Variants in NCOR1 observed in about 807,000 individuals in gnomAD.
NCOR1 encodes protein phosphatase 1, regulatory subunit 109.
In NCOR1, 63 loss-of-function variants were observed where a neutral mutation model predicts 288.1. The observed-to-expected ratio is 0.22, with a 90% CI of 0.18 to 0.27. The LOEUF (loss-of-function observed/expected upper bound fraction) is 0.27, where lower values mean the gene tolerates loss of function less well. Among genes scored for constraint, NCOR1 ranks in the 10% least tolerant of loss-of-function variants. NCOR1 has a pLI of 1.00. For missense variants in NCOR1, 2,397 were observed against 3,019.2 expected (o/e 0.79, Z 4.83); for synonymous variants, 1,007 against 1,065.9 (o/e 0.94, Z 1.08).
chr17:16,128,460 TCA>T (rs2075094811), intron 14 of NCOR1, among the ~76,000 whole-genome samples: 1 of 152,210 alleles, frequency 6.6e-6, no homozygotes, highest in Non-Finnish European at 1.5e-5. Flanking sequence ...CTCTGTGTTA[TCA>T]TCTCATCAAG....
intron 4 of NCOR1, among the ~76,000 whole-genome samples, chr17:16,166,522 A>C (rs1400208665): frequency 6.6e-6 from 1 of 152,098 alleles, no homozygotes; most frequent in African/African-American, 2.4e-5. Context: ...CTACTAAAAA[A>C]TACAAAAATT....
intron 14 of NCOR1, among the ~76,000 whole-genome samples, chr17:16,131,047 G>A (rs1277022620): frequency 6.7e-6 from 1 of 148,530 alleles, no homozygotes; most frequent in Non-Finnish European, 1.5e-5. Context: ...GGAGTGCAGT[G>A]GCGTGATCAC....
intron 40 of NCOR1, among the ~76,000 whole-genome samples, chr17:16,050,271 G>A (rs933938756): frequency 1.3e-5 from 2 of 150,714 alleles, no homozygotes; most frequent in South Asian, 2.1e-4. Flanking sequence ...CACCCAGGCT[G>A]GAGTGCAGTA....
chr17:16,100,384 T>A (rs2067398687), intron 20 of NCOR1, among the ~76,000 whole-genome samples: 1 of 152,252 alleles, frequency 6.6e-6, no homozygotes, highest in Non-Finnish European at 1.5e-5. Flanking sequence ...CTCATGCCTG[T>A]AATTCCAGCA....
At position 16,092,075 on chromosome 17, in the gene NCOR1, A is replaced by C; in HGVS notation, c.2821-17T>G. The C allele has an allele frequency of 6.2e-7, 1 of 1,610,784 alleles. No individual in the cohort carries two copies. The highest frequency in any genetic ancestry group is 8.5e-7 in the Non-Finnish European group (1 of 1,178,896). On this transcript the variant is annotated splice_polypyrimidine_tract_variant and intron_variant, in intron 21 of 45. Transcript: ENST00000268712. Reference sequence around the variant, plus strand: ...GCAGGATACCTATAGGAAGAAAATAAATCGAAATATGCAAACAACCAATGT... The same window carrying C: ...GCAGGATACCTATAGGAAGAAAATACATCGAAATATGCAAACAACCAATGT...
intron 4 of NCOR1, among the ~76,000 whole-genome samples, chr17:16,170,848 A>G (rs1465938958): frequency 6.6e-6 from 1 of 151,932 alleles, no homozygotes; most frequent in Non-Finnish European, 1.5e-5. Context: ...CTCAAAAAAA[A>G]AAAAAAAGAA....
At chr17:16,156,504 A>G (rs2079830250) in intron 6 of NCOR1, among the ~76,000 whole-genome samples, 1 of 151,182 alleles carries the variant, frequency 6.6e-6, no homozygotes, top group Non-Finnish European at 1.5e-5. Context: ...AAGGAGAGGG[A>G]GGAGGAGGGG....
At chr17:16,140,647 C>T (rs1261073837) in intron 11 of NCOR1, among the ~76,000 whole-genome samples, 2 of 152,160 alleles carry the variant, frequency 1.3e-5, no homozygotes, top group Non-Finnish European at 2.9e-5. Context: ...AACCCTGTTT[C>T]TACTAAATAT....
intron 38 of NCOR1, 150 bp downstream of exon 38, chr17:16,058,321 A>C: frequency 9.6e-7 from 1 of 1,046,774 alleles, no homozygotes; most frequent in Non-Finnish European, 1.3e-6. Context: ...AATAAAAAAG[A>C]ATCGATTGCT....
Position 16,145,708 on chromosome 17 carries a change from G to A in NCOR1, c.1082+668C>T, listed in dbSNP as rs554269563. Among the ~76,000 whole-genome samples, 214 of 152,092 alleles carry A rather than the reference G, an allele frequency of 1.4e-3. 1 individual carries two copies. The highest frequency in any genetic ancestry group is 4.7e-3 in the African/African-American group (194 of 41,518). ...CCCCGCCCAGCCAGCCGCCCAGTCC[G>A]GGAGGTGGGGGGCAGCCCCTGCCCA... On this transcript the variant is annotated intron_variant, in intron 10 of 45. Coordinates refer to ENST00000268712, the MANE Select transcript of NCOR1 (RefSeq NM_006311.4).
Position 16,073,436 on chromosome 17 carries a change from C to T in NCOR1, c.3804G>A (p.Pro1268=), listed in dbSNP as rs143500271. The change falls in exon 28 of 46, where the codon CCG becomes CCA. Residue 1268 remains proline (P), a synonymous_variant. Coordinates refer to ENST00000268712, the MANE Select transcript of NCOR1 (RefSeq NM_006311.4). ...MSMRESPVSA[P]LEGLICRALP... ...CTGAAAACAATGCTTTACCCTCTAA[C>T]GGTGCTGATACAGGAGACTCCCTCA... The T allele has an allele frequency of 6.8e-5, 108 of 1,598,942 alleles. No homozygotes were observed. In the African/African-American group the frequency reaches 9.3e-4, roughly 14 times the overall value.
chr17:16,084,504 C>T (rs2063907606), intron 23 of NCOR1: 1 of 152,112 alleles, frequency 6.6e-6, no homozygotes, highest in South Asian at 2.1e-4. Flanking sequence ...CAAAAGACAT[C>T]AAATAGTCAA....
chr17:16,058,596 G>C lies in NCOR1; in HGVS notation c.5885C>G (p.Ser1962Cys). Residue 1962 changes from serine (S) to cysteine (C), a missense_variant, in exon 38 of 46, where the codon TCT becomes TGT. By Grantham distance (112) the Ser-to-Cys change is moderately radical (BLOSUM62 -1). Coordinates refer to ENST00000268712, the MANE Select transcript of NCOR1 (RefSeq NM_006311.4). ...GCTAGGTGTTTCATACCTGTGAGAAGATACTTTAAGAAAAGAAAATCTTAT... is the reference window on the plus strand; with the variant it reads ...GCTAGGTGTTTCATACCTGTGAGAACATACTTTAAGAAAAGAAAATCTTAT... ...SQSSDSSSSLSSHRYETPSDA... is the reference protein window; with the variant it reads ...SQSSDSSSSLCSHRYETPSDA... The C allele has an allele frequency of 6.3e-7, 1 of 1,588,246 alleles. No individual in the cohort carries two copies.
intron 3 of NCOR1, among the ~76,000 whole-genome samples, chr17:16,183,499 TTTAAATAAATTTACTTGG>T (rs761228230): frequency 3.3e-5 from 5 of 151,994 alleles, no homozygotes; most frequent in Non-Finnish European, 5.9e-5. Flanking sequence ...CTAAAAGACA[TTTAAATAAATTTACTTGG>T]TTAAATAAAT....
intron 1 of NCOR1, among the ~76,000 whole-genome samples, chr17:16,208,355 G>T (rs1458911167): frequency 2.0e-5 from 3 of 151,316 alleles, no homozygotes; most frequent in Non-Finnish European, 2.9e-5. Context: ...ACCATGCCTG[G>T]CCAACCGTTC....
At position 16,139,058 on chromosome 17, in the gene NCOR1, C is replaced by A; in HGVS notation, c.1302G>T (p.Arg434Ser). 6.2e-7 allele frequency: 1 copy of A among 1,607,868 alleles called. No individual in the cohort carries two copies. Among genetic ancestry groups the A allele is most frequent in the Non-Finnish European group, 8.5e-7 (1 of 1,176,428 alleles). ...GGTCAGTCCAAACATTCATAAACTG[C>A]CTATCTTTATACACTTTCATAGGGT... ...MEDPMKVYKD[R>S]QFMNVWTDHE... The change falls in exon 12 of 46, where the codon AGG (arginine) becomes AGT (serine). Residue 434 changes from arginine (R) to serine (S), a missense_variant. Transcript: ENST00000268712.
At chr17:16,078,701 G>A (rs2062920261) in intron 26 of NCOR1, among the ~76,000 whole-genome samples, 1 of 152,002 alleles carries the variant, frequency 6.6e-6, no homozygotes. Flanking sequence ...TCAGCCTCCT[G>A]AGTAGCTGGG....
At position 16,127,592 on chromosome 17, in the gene NCOR1, T is replaced by C. The variant is rs760221392; in HGVS notation, c.1510-1386A>G. ...ATGTATATATACATATGTGTATATATGTATGTATACATACATATGTGTATG... is the reference window on the plus strand; with the variant it reads ...ATGTATATATACATATGTGTATATACGTATGTATACATACATATGTGTATG... On this transcript the variant is annotated intron_variant, in intron 14 of 45. Transcript: ENST00000268712. 1.0e-3 allele frequency among the ~76,000 whole-genome samples: 149 copies of C among 146,872 alleles called. 3 individuals carry two copies. The highest frequency in any genetic ancestry group is 1.5e-3 in the Non-Finnish European group (97 of 66,818).
intron 44 of NCOR1, among the ~76,000 whole-genome samples, chr17:16,038,170 CAG>C (rs141482737): frequency 0.02 from 3,043 of 151,998 alleles, 109 homozygotes; most frequent in African/African-American, 0.069. Flanking sequence ...TAAACTAAAA[CAG>C]AAATACTGCT....
Sources: allele counts gnomAD v4.1 joint callset (sites outside exome capture counted in the v4.1 genomes callset), GRCh38; gene constraint gnomAD v4.1.1; transcripts MANE v1.5; gene names NCBI Gene and HGNC (gene_info 2026-07-23, HGNC 2026-07-21).